Variants in NKAIN3 observed in about 807,000 individuals in gnomAD.
NKAIN3 encodes the protein sodium/potassium-transporting ATPase subunit beta-1-interacting protein 3.
Under a neutral mutation model 30.2 loss-of-function variants are expected in NKAIN3, and 25 were observed. The ratio of observed to expected loss-of-function variants is 0.83; its 90% CI spans 0.60 to 1.16. The LOEUF is 1.16. Among genes scored for constraint, NKAIN3 ranks in the 50% most tolerant of loss-of-function variants. The pLI, the probability that NKAIN3 is intolerant of heterozygous loss-of-function variation, is 0.00. For synonymous variants in NKAIN3, 91 were observed against 89.6 expected (o/e 1.02, Z -0.09); for missense variants, 225 against 254.1 (o/e 0.89, Z 0.78).
chr8:62,632,814 T>G (rs1812006803), intron 3 of NKAIN3, among the ~76,000 whole-genome samples: 1 of 152,148 alleles, frequency 6.6e-6, no homozygotes. Context: ...AGAATTAAGT[T>G]TAAGTGTTCC....
At chr8:62,692,427 A>G (rs1228857683) in intron 3 of NKAIN3, among the ~76,000 whole-genome samples, 2 of 152,350 alleles carry the variant, frequency 1.3e-5, no homozygotes, top group Non-Finnish European at 2.9e-5. Context: ...AATTGCTGCC[A>G]GAACAAAGAT....
chr8:62,823,928 C>T (rs1020312452), intron 4 of NKAIN3, among the ~76,000 whole-genome samples: 2 of 152,156 alleles, frequency 1.3e-5, no homozygotes, highest in African/African-American at 2.4e-5. Flanking sequence ...AAGTTTCATA[C>T]AAGAAATTTA....
At chr8:62,829,761 T>C (rs1819138642) in intron 4 of NKAIN3, among the ~76,000 whole-genome samples, 1 of 152,004 alleles carries the variant, frequency 6.6e-6, no homozygotes, top group Non-Finnish European at 1.5e-5. Flanking sequence ...GATAGATAGA[T>C]AGATAGATCT....
intron 3 of NKAIN3, among the ~76,000 whole-genome samples, chr8:62,666,329 C>T (rs1342950098): frequency 6.6e-6 from 1 of 152,062 alleles, no homozygotes. Context: ...TTTATGCATT[C>T]CAACTATAAA....
chr8:62,512,591 A>G (rs1364422428), intron 1 of NKAIN3, among the ~76,000 whole-genome samples: 1 of 152,104 alleles, frequency 6.6e-6, no homozygotes. Context: ...CTCAAATTCC[A>G]CTATTCTACT....
At chr8:62,278,906 G>T (rs893647060) in intron 1 of NKAIN3, among the ~76,000 whole-genome samples, 4 of 152,154 alleles carry the variant, frequency 2.6e-5, no homozygotes, top group African/African-American at 9.7e-5. Flanking sequence ...TAATTGGATG[G>T]CTGGGTCAAA....
intron 4 of NKAIN3, among the ~76,000 whole-genome samples, chr8:62,857,973 G>T (rs763541948): frequency 2.6e-5 from 4 of 152,136 alleles, no homozygotes; most frequent in Non-Finnish European, 5.9e-5. Context: ...ATCTTTGTGG[G>T]CTTATCTACC....
At chr8:62,379,536 G>T (rs529784580) in intron 1 of NKAIN3, among the ~76,000 whole-genome samples, 88 of 152,142 alleles carry the variant, frequency 5.8e-4, no homozygotes, top group South Asian at 2.3e-3. Flanking sequence ...AAACCATGAG[G>T]ACATTTTCCA....
chr8:62,564,690 G>A (rs827703), intron 1 of NKAIN3, among the ~76,000 whole-genome samples: 34,171 of 151,968 alleles, frequency 0.22, 4,032 homozygotes, highest in East Asian at 0.37. Flanking sequence ...ACAGAACAGA[G>A]CAGGTTATGG....
At chr8:62,733,537 A>C (rs2130549980) in intron 3 of NKAIN3, among the ~76,000 whole-genome samples, 1 of 152,168 alleles carries the variant, frequency 6.6e-6, no homozygotes, top group South Asian at 2.1e-4. Flanking sequence ...TTTGTTGGCA[A>C]GTTTTTCTCT....
At chr8:62,796,656 T>G (rs1277671014) in intron 4 of NKAIN3, among the ~76,000 whole-genome samples, 1 of 152,134 alleles carries the variant, frequency 6.6e-6, no homozygotes, top group Non-Finnish European at 1.5e-5. Context: ...ACACCCAGAC[T>G]CTAGTCTTAA....
At chr8:62,478,565 C>T (rs1313624954) in intron 1 of NKAIN3, among the ~76,000 whole-genome samples, 3 of 152,144 alleles carry the variant, frequency 2.0e-5, no homozygotes, top group Admixed American at 6.5e-5. Context: ...GAGTCTGCAG[C>T]ATGAAGATAA....
At chr8:62,955,654 T>C (rs1351866532) in intron 6 of NKAIN3, among the ~76,000 whole-genome samples, 1 of 152,198 alleles carries the variant, frequency 6.6e-6, no homozygotes, top group Non-Finnish European at 1.5e-5. Flanking sequence ...TGAAATTTTC[T>C]TCTTGAATGA....
chr8:62,428,314 G>A (rs186960808), intron 1 of NKAIN3, among the ~76,000 whole-genome samples: 2 of 151,952 alleles, frequency 1.3e-5, no homozygotes, highest in African/African-American at 4.8e-5. Context: ...GAGAGTGCAG[G>A]TGTCTCTTCA....
At chr8:62,303,137 T>C (rs1301002764) in intron 1 of NKAIN3, among the ~76,000 whole-genome samples, 2 of 150,492 alleles carry the variant, frequency 1.3e-5, no homozygotes. Context: ...TCTCCAGCAG[T>C]TGATTTACTG....
rs369432077 is a variant in NKAIN3 at position 62,579,518 on chromosome 8, A to C, written c.55-21A>C. 65 of 1,590,936 alleles carry C rather than the reference A, an allele frequency of 4.1e-5. No individual in the cohort carries two copies. The African/African-American group carries it at 8.3e-4, about 20-fold the overall frequency. On this transcript the variant is annotated intron_variant, in intron 1 of 6. Transcript: ENST00000623646. ...ATGATGCTTGGATTCAATGCTAATG[A>C]ACTTTCTTTTTTTGTTGTAGGTCTC...
At chr8:62,615,507 G>A (rs565844055) in intron 3 of NKAIN3, among the ~76,000 whole-genome samples, 40 of 152,128 alleles carry the variant, frequency 2.6e-4, no homozygotes, top group Admixed American at 9.8e-4. Context: ...ATGACCCCTC[G>A]GTCCACTGTC....
At chr8:62,957,245 T>C (rs1823443579) in intron 6 of NKAIN3, among the ~76,000 whole-genome samples, 1 of 152,150 alleles carries the variant, frequency 6.6e-6, no homozygotes, top group South Asian at 2.1e-4. Context: ...GCCATTCTCC[T>C]GCCTCAGCCT....
At chr8:62,601,185 A>G (rs748619135) in intron 3 of NKAIN3, among the ~76,000 whole-genome samples, 2 of 152,080 alleles carry the variant, frequency 1.3e-5, no homozygotes, top group Non-Finnish European at 2.9e-5. Flanking sequence ...TCAAGGATAT[A>G]TAGCATCTTT....
Sources: allele counts gnomAD v4.1 joint callset (sites outside exome capture counted in the v4.1 genomes callset), GRCh38; gene constraint gnomAD v4.1.1; transcripts MANE v1.5; gene names NCBI Gene and HGNC (gene_info 2026-07-23, HGNC 2026-07-21).